The following PIK3C2A variants were observed in gnomAD, a reference collection of about 807,000 sequenced individuals.
PIK3C2A encodes the protein phosphatidylinositol 4-phosphate 3-kinase C2 domain-containing subunit alpha.
A neutral mutation model predicts 204.5 loss-of-function variants in PIK3C2A; 97 were observed. The ratio of observed to expected loss-of-function variants is 0.47; its 90% confidence interval spans 0.40 to 0.56. PIK3C2A has a LOEUF of 0.56. PIK3C2A is among the 20% of genes least tolerant of loss of function. PIK3C2A has a pLI of 0.00. For missense variants in PIK3C2A, 1,735 were observed against 1,969.2 expected, an observed-to-expected ratio of 0.88 and a Z score of 2.25; for synonymous variants, 653 against 664.4, an observed-to-expected ratio of 0.98 and a Z score of 0.26.
chr11:17,110,393 G>T, intron 22 of PIK3C2A, 39 bp downstream of exon 22: 1 of 1,551,750 alleles, frequency 6.4e-7, no homozygotes, highest in Non-Finnish European at 8.7e-7. Flanking sequence ...TAAGTTCAAG[G>T]AAAAAAATAA....
chr11:17,125,833 T>C (rs1410247185), intron 13 of PIK3C2A, among the ~76,000 whole-genome samples: 1 of 151,988 alleles, frequency 6.6e-6, no homozygotes, highest in Admixed American at 6.6e-5. Flanking sequence ...AACTTTGTCA[T>C]ATCAATTACT....
chr11:17,158,916 G>A (rs907282300), intron 2 of PIK3C2A, among the ~76,000 whole-genome samples: 4 of 152,042 alleles, frequency 2.6e-5, no homozygotes, highest in African/African-American at 9.7e-5. Context: ...CACACATCAA[G>A]GTAATAATAG....
intron 2 of PIK3C2A, among the ~76,000 whole-genome samples, chr11:17,159,225 T>A (rs181171311): frequency 5.9e-5 from 9 of 152,350 alleles, no homozygotes; most frequent in Admixed American, 5.9e-4. Context: ...TCACATCTTG[T>A]CTCCCCTTTC....
chr11:17,197,124 G>T (rs544242612), intron 1 of PIK3C2A, among the ~76,000 whole-genome samples: 1 of 151,700 alleles, frequency 6.6e-6, no homozygotes, highest in African/African-American at 2.4e-5. Flanking sequence ...CAGCTCAAGC[G>T]ATCCTCCCGC....
chr11:17,207,230 C>A (rs1382616525), intron 1 of PIK3C2A, among the ~76,000 whole-genome samples: 1 of 152,164 alleles, frequency 6.6e-6, no homozygotes. Flanking sequence ...ATTTTTTAAT[C>A]TGACCGCTCT....
At chr11:17,199,817 C>T (rs486471) in intron 1 of PIK3C2A, among the ~76,000 whole-genome samples, 2 of 149,780 alleles carry the variant, frequency 1.3e-5, no homozygotes, top group Admixed American at 6.7e-5. Context: ...CCCAGCTACT[C>T]GGGAGGCTGA....
At chr11:17,177,112 T>G (rs1565293687) in intron 1 of PIK3C2A, among the ~76,000 whole-genome samples, 1 of 152,206 alleles carries the variant, frequency 6.6e-6, no homozygotes, top group Non-Finnish European at 1.5e-5. Flanking sequence ...CAATGCACTT[T>G]AAAGTTATCT....
At chr11:17,150,689 T>C in intron 3 of PIK3C2A, 34 bp from the exon 4 acceptor site, 1 of 1,502,428 alleles carries the variant, frequency 6.7e-7, no homozygotes, top group South Asian at 1.3e-5. Context: ...AAATTCTTTT[T>C]TAAAAAAACT....
intron 6 of PIK3C2A, among the ~76,000 whole-genome samples, chr11:17,146,427 T>G (rs757036848): frequency 3.3e-5 from 5 of 152,018 alleles, no homozygotes; most frequent in Non-Finnish European, 5.9e-5. Flanking sequence ...AGAACATCAT[T>G]CCTGACAGGG....
chr11:17,195,838 G>C (rs951477045), intron 1 of PIK3C2A, among the ~76,000 whole-genome samples: 1 of 151,470 alleles, frequency 6.6e-6, no homozygotes, highest in African/African-American at 2.4e-5. Flanking sequence ...AGGGGTTTGA[G>C]ACCATCCTGG....
chr11:17,144,467 A>G (rs1022881612), intron 8 of PIK3C2A, among the ~76,000 whole-genome samples: 17 of 152,208 alleles, frequency 1.1e-4, no homozygotes, highest in African/African-American at 4.1e-4. Flanking sequence ...CATCCAATAA[A>G]TGCTTTTAGA....
In PIK3C2A at chr11:17,140,765, C is replaced by G. The variant is rs149790767; in HGVS notation, c.1705-4140G>C. On this transcript the variant is annotated intron_variant, in intron 8 of 32. Transcript: ENST00000691414. ...ACAACTCTATGCATTGGCTAAGAAT[C>G]ACTGAATTGTGTGCATATAATGGGT... Among the ~76,000 whole-genome samples the G allele has an allele frequency of 1.7e-4, 26 of 152,178 alleles. No homozygotes were observed. In the East Asian group the frequency reaches 5.0e-3, roughly 29 times the overall value.
intron 2 of PIK3C2A, among the ~76,000 whole-genome samples, chr11:17,161,054 G>A (rs1308356719): frequency 6.6e-6 from 1 of 152,120 alleles, no homozygotes; most frequent in Non-Finnish European, 1.5e-5. Context: ...TGAGTTTGGA[G>A]GTTTAAGGAA....
rs965830162 is a variant in PIK3C2A at position 17,160,425 on chromosome 11, G to A, written c.1066-4796C>T. On this transcript the variant is annotated intron_variant, in intron 2 of 32. Transcript: ENST00000691414. Reference sequence around the variant, plus strand: ...TCAATTTTTAAAAAATAAGCAAAAGGGCTAAATGGTGAATATGGTCGAGGG... The same window carrying A: ...TCAATTTTTAAAAAATAAGCAAAAGAGCTAAATGGTGAATATGGTCGAGGG... Among the ~76,000 whole-genome samples the A allele has an allele frequency of 2.0e-5, 3 of 152,086 alleles. No individual in the cohort carries two copies. The East Asian group carries it at 5.8e-4, about 29-fold the overall frequency.
chr11:17,185,659 T>C (rs563373959), intron 1 of PIK3C2A, among the ~76,000 whole-genome samples: 8 of 152,174 alleles, frequency 5.3e-5, no homozygotes, highest in Non-Finnish European at 1.0e-4. Context: ...CTAATTCAGT[T>C]ATAGCTTATC....
At chr11:17,204,626 T>C (rs903636421) in intron 1 of PIK3C2A, among the ~76,000 whole-genome samples, 4 of 152,198 alleles carry the variant, frequency 2.6e-5, no homozygotes, top group Non-Finnish European at 5.9e-5. Context: ...TGTTATAAAA[T>C]GTACGTTGTC....
chr11:17,207,019 C>T (rs564668973), intron 1 of PIK3C2A, among the ~76,000 whole-genome samples: 173 of 152,288 alleles, frequency 1.1e-3, no homozygotes, highest in African/African-American at 4.0e-3. Flanking sequence ...ACAACAGGCT[C>T]TCTCTTCCAC....
chr11:17,114,113 A>T (rs1196480013), intron 20 of PIK3C2A, among the ~76,000 whole-genome samples: 1 of 151,536 alleles, frequency 6.6e-6, no homozygotes, highest in Non-Finnish European at 1.5e-5. Context: ...ATAAATAAAT[A>T]AAAAGGTGAG....
intron 8 of PIK3C2A, among the ~76,000 whole-genome samples, chr11:17,138,712 C>G (rs1001525120): frequency 6.6e-6 from 1 of 152,084 alleles, no homozygotes; most frequent in Non-Finnish European, 1.5e-5. Flanking sequence ...ACCAATTCAG[C>G]TCTGCCATTA....
Sources: allele counts gnomAD v4.1 joint callset (sites outside exome capture counted in the v4.1 genomes callset), GRCh38; gene constraint gnomAD v4.1.1; transcripts MANE v1.5; gene names NCBI Gene and HGNC (gene_info 2026-07-23, HGNC 2026-07-21).